The following PLD5 variants were observed in gnomAD, a reference collection of about 807,000 sequenced individuals.
The protein encoded by PLD5 is inactive phospholipase D5.
PLD5 carries 36 observed loss-of-function variants against 61.1 expected under a neutral mutation model. The observed-to-expected ratio is 0.59, with a 90% CI of 0.45 to 0.78. The LOEUF (loss-of-function observed/expected upper bound fraction) is 0.78. PLD5 is among the 30% of genes least tolerant of loss of function. The probability of loss-of-function intolerance (pLI) is 0.00; values close to 1 mark genes in which losing one functional copy is unlikely to be tolerated. For synonymous variants in PLD5, 243 were observed against 242.8 expected, an observed-to-expected ratio of 1.00 and a Z score of -0.01; for missense variants, 515 against 644.4, an observed-to-expected ratio of 0.80 and a Z score of 2.17.
intron 5 of PLD5, among the ~76,000 whole-genome samples, chr1:242,217,914 T>A (rs960737532): frequency 6.6e-6 from 1 of 152,240 alleles, no homozygotes; most frequent in Non-Finnish European, 1.5e-5. Context: ...CTAGTGAATA[T>A]GCTGTGAACA....
chr1:242,460,921 C>G (rs1323478944), intron 1 of PLD5, among the ~76,000 whole-genome samples: 6 of 151,666 alleles, frequency 4.0e-5, no homozygotes, highest in African/African-American at 1.2e-4. Flanking sequence ...GAGTGGATCA[C>G]CTGAGGTCAG....
chr1:242,120,135 A>G (rs10926622), intron 6 of PLD5, among the ~76,000 whole-genome samples: 12,004 of 152,218 alleles, frequency 0.079, 558 homozygotes, highest in South Asian at 0.16. Context: ...AGATTCATAA[A>G]GAAAAAGTAG....
chr1:242,173,394 TAA>T (rs1430651403), intron 5 of PLD5, among the ~76,000 whole-genome samples: 15 of 152,138 alleles, frequency 9.9e-5, no homozygotes, highest in East Asian at 5.8e-4. Flanking sequence ...TTCAACGAAA[TAA>T]AAGAGGATAC....
chr1:242,322,488 A>G (rs982270544), intron 2 of PLD5, among the ~76,000 whole-genome samples: 13 of 151,978 alleles, frequency 8.6e-5, no homozygotes, highest in Non-Finnish European at 1.8e-4. Context: ...AGCTTTTATC[A>G]CTTTATAGCA....
At chr1:242,130,259 C>A (rs1048726726) in intron 5 of PLD5, among the ~76,000 whole-genome samples, 7 of 152,128 alleles carry the variant, frequency 4.6e-5, no homozygotes, top group African/African-American at 1.7e-4. Context: ...ACCACGTTGG[C>A]CAGGCTGGTC....
chr1:242,135,890 C>T (rs556825666), intron 5 of PLD5, among the ~76,000 whole-genome samples: 13 of 152,262 alleles, frequency 8.5e-5, no homozygotes, highest in South Asian at 6.3e-4. Context: ...CACTGACTTA[C>T]GCCTCCTGTG....
At chr1:242,516,319 A>T (rs893819441) in intron 1 of PLD5, among the ~76,000 whole-genome samples, 26 of 148,088 alleles carry the variant, frequency 1.8e-4, no homozygotes, top group Non-Finnish European at 3.3e-4. Context: ...TCATGCTATT[A>T]ATCAAATATT....
At position 242,124,326 on chromosome 1, in the gene PLD5, C is replaced by T. The variant is rs565354271; in HGVS notation, c.933+142G>A. ...GGGTATGATTGCGTGTAAGGGTGGA[C>T]GCATTTTAACTCTTCACGTCATGGG... is the stretch of plus-strand genomic sequence containing the variant. On this transcript the variant is annotated intron_variant, in intron 6 of 9. Coordinates refer to ENST00000536534, the MANE Select transcript of PLD5 (RefSeq NM_001372062.1). 122 of 681,826 alleles carry T rather than the reference C, an allele frequency of 1.8e-4. 1 individual carries two copies. Among genetic ancestry groups the T allele is most frequent in the South Asian group, 1.8e-4 (9 of 48,812 alleles). The allele number at this position is 681,826 out of a possible 1,614,324, so 42.2% of individuals were successfully genotyped here. A position where few individuals can be genotyped will look rare whatever the true frequency, so the allele number is the denominator to read the frequency against.
chr1:242,463,365 G>A (rs1266572792), intron 1 of PLD5, among the ~76,000 whole-genome samples: 11 of 152,134 alleles, frequency 7.2e-5, no homozygotes, highest in Non-Finnish European at 1.5e-5. Context: ...TCCTGAACTG[G>A]TGCAGCCCAG....
chr1:242,132,072 C>G (rs1234894940), intron 5 of PLD5, among the ~76,000 whole-genome samples: 1 of 151,632 alleles, frequency 6.6e-6, no homozygotes. Context: ...CTCAGGTGAT[C>G]TGCCCACCTC....
intron 5 of PLD5, among the ~76,000 whole-genome samples, chr1:242,153,792 C>A (rs768217143): frequency 1.1e-4 from 16 of 152,144 alleles, no homozygotes; most frequent in Non-Finnish European, 2.1e-4. Context: ...AGCCTGATGC[C>A]TCCAGCTTTA....
intron 1 of PLD5, among the ~76,000 whole-genome samples, chr1:242,515,298 C>T (rs960135266): frequency 4.0e-4 from 61 of 152,080 alleles, no homozygotes; most frequent in Admixed American, 3.7e-3. Context: ...CTGCAACCTC[C>T]ACCTCCCAGA....
In PLD5 at chr1:242,485,944, G is replaced by T. The variant is rs193157266; in HGVS notation, c.189+38144C>A. 8.8e-3 allele frequency among the ~76,000 whole-genome samples: 1,345 copies of T among 152,152 alleles called. 26 individuals carry two copies. The highest frequency in any genetic ancestry group is 0.03 in the African/African-American group (1,248 of 41,522). ...CAACTATCTGATCTTTGACAAACCT[G>T]ACAAAAACAAGAAATGGGGAAAGGA... On this transcript the variant is annotated intron_variant, in intron 1 of 9. Coordinates refer to ENST00000536534, the MANE Select transcript of PLD5 (RefSeq NM_001372062.1).
intron 3 of PLD5, among the ~76,000 whole-genome samples, chr1:242,271,195 CACACACAGAGAGAGAGAGAG>C (rs1674048391): frequency 7.4e-5 from 1 of 13,458 alleles, no homozygotes; most frequent in Non-Finnish European, 2.0e-4. Context: ...CACACACACA[CACACACAGAGAGAGAGAGAG>C]AGAGAGAGAG....
At chr1:242,268,799 G>C (rs1453584817) in intron 3 of PLD5, among the ~76,000 whole-genome samples, 7 of 152,200 alleles carry the variant, frequency 4.6e-5, no homozygotes, top group Non-Finnish European at 7.4e-5. Context: ...GCAGAGATCT[G>C]CAGTAAGGCC....
intron 5 of PLD5, among the ~76,000 whole-genome samples, chr1:242,184,023 G>A (rs890403767): frequency 1.2e-4 from 19 of 152,134 alleles, no homozygotes; most frequent in Non-Finnish European, 2.6e-4. Flanking sequence ...AAAGTTGTAC[G>A]CATTAATTTT....
chr1:242,283,311 C>T (rs1674825979), intron 3 of PLD5, among the ~76,000 whole-genome samples: 1 of 152,112 alleles, frequency 6.6e-6, no homozygotes, highest in Non-Finnish European at 1.5e-5. Context: ...GCTACTCTTC[C>T]AGAGACCAGA....
At chr1:242,474,614 T>C (rs1351649355) in intron 1 of PLD5, among the ~76,000 whole-genome samples, 1 of 152,212 alleles carries the variant, frequency 6.6e-6, no homozygotes, top group African/African-American at 2.4e-5. Flanking sequence ...CAGAACTGAT[T>C]AGGTTATTCC....
At position 242,272,615 on chromosome 1, in the gene PLD5, C is replaced by A. The variant is rs74152312; in HGVS notation, c.496-7167G>T. 6.2e-3 allele frequency among the ~76,000 whole-genome samples: 938 copies of A among 152,174 alleles called. 9 individuals carry two copies. Among genetic ancestry groups the A allele is most frequent in the African/African-American group, 0.022 (900 of 41,532 alleles). Reference sequence around the variant, plus strand: ...TTTGTGAGTATAAAACAAATCTTATCTATTTGGAAATTTAAAACTCACTCT... The same window carrying A: ...TTTGTGAGTATAAAACAAATCTTATATATTTGGAAATTTAAAACTCACTCT... On this transcript the variant is annotated intron_variant, in intron 3 of 9. Transcript: ENST00000536534.
Sources: gnomAD v4.1 joint callset for allele counts (sites outside exome capture counted in the v4.1 genomes callset) on GRCh38, gnomAD v4.1.1 for gene constraint, MANE v1.5 for transcripts, NCBI Gene and HGNC (gene_info 2026-07-23, HGNC 2026-07-21) for gene names.